The following PYHIN1 variants were observed in gnomAD, a reference collection of about 807,000 sequenced individuals.
PYHIN1 encodes pyrin and HIN domain family member 1.
PYHIN1 carries 32 observed loss-of-function variants against 43.7 expected under a neutral mutation model. That is an observed-to-expected ratio of 0.73 (90% confidence interval 0.55 to 0.98). The LOEUF (loss-of-function observed/expected upper bound fraction) is 0.98. PYHIN1 is among the 50% of genes least tolerant of loss of function. The pLI is 0.00. For synonymous variants in PYHIN1, 205 were observed against 203.1 expected, an observed-to-expected ratio of 1.01 and a Z score of -0.08; for missense variants, 588 against 589.5, an observed-to-expected ratio of 1.00 and a Z score of 0.03.
chr1:158,988,475 A>T, the PYHIN1 span, among the ~76,000 whole-genome samples: 1 of 152,182 alleles, frequency 6.6e-6, no homozygotes, highest in South Asian at 2.1e-4. Flanking sequence ...TTTAGAATAA[A>T]CATGTCATCA....
intron 7 of PYHIN1, 90 bp downstream of exon 7, chr1:158,945,132 T>A: frequency 7.7e-7 from 1 of 1,295,048 alleles, no homozygotes; most frequent in Non-Finnish European, 1.1e-6. Context: ...TTCTAATCCC[T>A]AACTGTGTAC....
chr1:158,947,942 T>C (rs867153526), intron 7 of PYHIN1, among the ~76,000 whole-genome samples: 2 of 152,270 alleles, frequency 1.3e-5, no homozygotes, highest in African/African-American at 4.8e-5. Flanking sequence ...CTTTCAGCCA[T>C]AGCCCTATCT....
intron 1 of PYHIN1, among the ~76,000 whole-genome samples, chr1:158,935,000 G>A (rs1648432219): frequency 6.6e-6 from 1 of 152,174 alleles, no homozygotes; most frequent in Non-Finnish European, 1.5e-5. Context: ...AAAGCGCTAT[G>A]TTAATTTAAA....
At chr1:158,962,552 G>T (rs1254581485) in intron 7 of PYHIN1, among the ~76,000 whole-genome samples, 1 of 152,160 alleles carries the variant, frequency 6.6e-6, no homozygotes, top group Non-Finnish European at 1.5e-5. Flanking sequence ...CACTTCAGTG[G>T]AAAGCAGCTT....
downstream of PYHIN1, among the ~76,000 whole-genome samples, chr1:158,980,932 C>A (rs535099178): frequency 6.6e-6 from 1 of 152,224 alleles, no homozygotes; most frequent in East Asian, 1.9e-4. Flanking sequence ...GAGACTCAGG[C>A]GGGCATCATG....
intron 4 of PYHIN1, among the ~76,000 whole-genome samples, chr1:158,940,482 G>T (rs1648849739): frequency 6.6e-6 from 1 of 152,090 alleles, no homozygotes; most frequent in Non-Finnish European, 1.5e-5. Context: ...ATAATTGCAT[G>T]ATTCTGATAA....
chr1:158,949,957 G>A (rs993864587), intron 7 of PYHIN1, among the ~76,000 whole-genome samples: 3 of 152,192 alleles, frequency 2.0e-5, no homozygotes, highest in Non-Finnish European at 2.9e-5. Context: ...ACACATTAAG[G>A]GTTAGAACCT....
At chr1:158,976,222 G>A (rs1220999165) in intron 8 of PYHIN1, among the ~76,000 whole-genome samples, 2 of 152,062 alleles carry the variant, frequency 1.3e-5, no homozygotes, top group Non-Finnish European at 2.9e-5. Context: ...AATGCAAAAA[G>A]ATCAGAATAA....
chr1:158,975,824 G>T (rs1651222713), intron 8 of PYHIN1, among the ~76,000 whole-genome samples: 1 of 152,012 alleles, frequency 6.6e-6, no homozygotes, highest in Non-Finnish European at 1.5e-5. Context: ...TTAAAACAGT[G>T]GATGTGACTA....
chr1:158,984,620 A>AT, the PYHIN1 span, among the ~76,000 whole-genome samples: 1 of 152,170 alleles, frequency 6.6e-6, no homozygotes, highest in Non-Finnish European at 1.5e-5. Context: ...AGAAGAATGT[A>AT]TATTCTGTTG....
chr1:158,979,835 A>G (rs1297217210), downstream of PYHIN1, among the ~76,000 whole-genome samples: 1 of 152,198 alleles, frequency 6.6e-6, no homozygotes, highest in East Asian at 1.9e-4. Flanking sequence ...TCACCTAGGT[A>G]GTAAGCACAG....
At chr1:158,972,301 T>C (rs891305605) in intron 7 of PYHIN1, among the ~76,000 whole-genome samples, 7 of 152,066 alleles carry the variant, frequency 4.6e-5, no homozygotes, top group African/African-American at 1.7e-4. Context: ...TCTTTGTGCC[T>C]CCCTTTATTA....
At chr1:158,950,558 C>A (rs558966926) in intron 7 of PYHIN1, among the ~76,000 whole-genome samples, 1 of 152,268 alleles carries the variant, frequency 6.6e-6, no homozygotes, top group Admixed American at 6.5e-5. Flanking sequence ...TTCACTTGGA[C>A]CACACCGTAC....
chr1:158,957,926 C>G (rs1250112909), intron 7 of PYHIN1, among the ~76,000 whole-genome samples: 1 of 151,722 alleles, frequency 6.6e-6, no homozygotes, highest in African/African-American at 2.4e-5. Context: ...ACAAACAACC[C>G]CATCAGAAAG....
chr1:158,952,106 C>CG (rs1557833175), intron 7 of PYHIN1, among the ~76,000 whole-genome samples: 3 of 121,566 alleles, frequency 2.5e-5, no homozygotes, highest in Non-Finnish European at 3.4e-5. Flanking sequence ...TTGCCTGTGT[C>CG]GGTTTTTTTT....
At chr1:158,974,610 AC>A (rs1651140950) in intron 8 of PYHIN1, among the ~76,000 whole-genome samples, 1 of 152,032 alleles carries the variant, frequency 6.6e-6, no homozygotes, top group East Asian at 1.9e-4. Flanking sequence ...GAATCATGTC[AC>A]CACTCTTTTA....
At chr1:158,947,715 G>A (rs956259938) in intron 7 of PYHIN1, among the ~76,000 whole-genome samples, 1 of 152,240 alleles carries the variant, frequency 6.6e-6, no homozygotes, top group African/African-American at 2.4e-5. Flanking sequence ...AGCCAGCCCT[G>A]CGGGCATTTA....
chr1:158,981,705 G>A (rs1641771605), downstream of PYHIN1, among the ~76,000 whole-genome samples: 1 of 152,076 alleles, frequency 6.6e-6, no homozygotes, highest in African/African-American at 2.4e-5. Context: ...AATTAAAACT[G>A]GACCTCTTCC....
rs573059390 is a variant in PYHIN1, at chr1:158,939,581, C to T, written c.579+334C>T. ...CACTAATTTGTTCAAGTTTCTCTGA[C>T]ATACACCATGCTCCTTTTTCCTTTA... On this transcript the variant is annotated intron_variant, in intron 4 of 8. Transcript: ENST00000368140. The T allele has an allele frequency of 7.7e-6, 11 of 1,429,418 alleles. No homozygotes were observed. The South Asian group carries it at 1.1e-4, about 14-fold the overall frequency. 88.5% of individuals were successfully genotyped at this position (1,429,418 alleles called of 1,614,324 possible).
Sources: gnomAD v4.1 joint callset for allele counts (sites outside exome capture counted in the v4.1 genomes callset) on GRCh38, gnomAD v4.1.1 for gene constraint, MANE v1.5 for transcripts, NCBI Gene and HGNC (gene_info 2026-07-23, HGNC 2026-07-21) for gene names.